Variants in NALF1 observed in about 807,000 individuals in gnomAD.
NALF1 encodes family with sequence similarity 155 member A.
In NALF1, 3 loss-of-function variants were observed where a neutral mutation model predicts 48.4. The ratio of observed to expected loss-of-function variants is 0.06; its 90% CI spans 0.03 to 0.16. NALF1 has a LOEUF of 0.16. Ranked by LOEUF, NALF1 falls within the 10% of genes least tolerant of loss-of-function variation. NALF1 has a pLI of 1.00. For missense variants in NALF1, 526 were observed against 571.5 expected (o/e 0.92, Z 0.81); for synonymous variants, 262 against 245.7 (o/e 1.07, Z -0.62).
At chr13:107,459,439 C>A (rs889841475) in intron 1 of NALF1, among the ~76,000 whole-genome samples, 3 of 151,754 alleles carry the variant, frequency 2.0e-5, no homozygotes, top group Non-Finnish European at 4.4e-5. Context: ...AATAAAAAAG[C>A]CTTTCTCAGC....
chr13:107,352,355 T>C (rs536692938), intron 1 of NALF1, among the ~76,000 whole-genome samples: 2 of 152,296 alleles, frequency 1.3e-5, no homozygotes, highest in African/African-American at 4.8e-5. Flanking sequence ...ATTTAGTTAA[T>C]TGGGAAGCTT....
intron 1 of NALF1, among the ~76,000 whole-genome samples, chr13:107,595,108 A>T (rs1402706299): frequency 6.6e-6 from 1 of 152,136 alleles, no homozygotes. Context: ...CAGACAAGAC[A>T]GCGACCACGG....
At chr13:107,614,316 T>C (rs1879320295) in intron 1 of NALF1, among the ~76,000 whole-genome samples, 1 of 152,220 alleles carries the variant, frequency 6.6e-6, no homozygotes, top group South Asian at 2.1e-4. Context: ...AGTCTTTTTG[T>C]AAGTACATGT....
intron 1 of NALF1, among the ~76,000 whole-genome samples, chr13:107,682,889 C>T (rs1019714996): frequency 6.6e-6 from 1 of 152,146 alleles, no homozygotes; most frequent in Admixed American, 6.6e-5. Context: ...TTTCAAAAGC[C>T]TATGTTTGTT....
At chr13:107,408,063 T>C (rs1398981099) in intron 1 of NALF1, among the ~76,000 whole-genome samples, 1 of 151,868 alleles carries the variant, frequency 6.6e-6, no homozygotes, top group Non-Finnish European at 1.5e-5. Context: ...AATAAAATAA[T>C]TGAACTCATG....
At chr13:107,399,959 G>C (rs139069748) in intron 1 of NALF1, among the ~76,000 whole-genome samples, 7 of 152,106 alleles carry the variant, frequency 4.6e-5, no homozygotes, top group African/African-American at 1.7e-4. Context: ...CTTTTTAAAA[G>C]ACCATAATGT....
chr13:107,453,074 C>T (rs1415932489), intron 1 of NALF1, among the ~76,000 whole-genome samples: 6 of 152,354 alleles, frequency 3.9e-5, no homozygotes, highest in African/African-American at 1.4e-4. Context: ...CTCCTGGCTG[C>T]TTTCATGGCT....
At chr13:107,774,652 G>A (rs1441537423) in intron 1 of NALF1, among the ~76,000 whole-genome samples, 1 of 152,152 alleles carries the variant, frequency 6.6e-6, no homozygotes, top group Non-Finnish European at 1.5e-5. Context: ...TTATGTGCAA[G>A]GCTTCCTATT....
intron 1 of NALF1, among the ~76,000 whole-genome samples, chr13:107,342,522 GCAGAA>G (rs1300961327): frequency 6.6e-6 from 1 of 152,100 alleles, no homozygotes; most frequent in African/African-American, 2.4e-5. Flanking sequence ...AGAAGAAGTG[GCAGAA>G]CCCTGGATGA....
intron 1 of NALF1, among the ~76,000 whole-genome samples, chr13:107,685,523 T>G (rs1881412971): frequency 6.6e-6 from 1 of 152,098 alleles, no homozygotes; most frequent in Admixed American, 6.5e-5. Flanking sequence ...AAAGATAAAA[T>G]CTTTTTTAAA....
chr13:107,859,914 C>CAAA (rs778833499), intron 1 of NALF1, among the ~76,000 whole-genome samples: 19 of 66,438 alleles, frequency 2.9e-4, no homozygotes, highest in Admixed American at 5.3e-4. Context: ...AACTCCAACT[C>CAAA]AAAAAAAAAA....
rs961019341 is a variant in NALF1 at position 107,167,072 on chromosome 13, T to A, written c.*3425A>T. The A allele has an allele frequency of 3.9e-5, 6 of 152,212 alleles. No individual in the cohort carries two copies. Among genetic ancestry groups the A allele is most frequent in the Admixed American group, 2.0e-4 (3 of 15,286 alleles). The allele number at this position is 152,212 out of a possible 1,614,324, so 9.4% of individuals were successfully genotyped here. ...AACTCTATGTTATTTGCCATTTAGC[T>A]TAGCAGTACCAACATATTCCAGAAA... On this transcript the variant is annotated 3_prime_UTR_variant, in exon 3 of 3. Coordinates refer to ENST00000375915, the MANE Select transcript of NALF1 (RefSeq NM_001080396.3).
chr13:107,260,206 A>G (rs1880902830), intron 1 of NALF1, among the ~76,000 whole-genome samples: 1 of 152,194 alleles, frequency 6.6e-6, no homozygotes, highest in Admixed American at 6.6e-5. Flanking sequence ...TAAATTAGGG[A>G]TAATTAGTTA....
At chr13:107,703,408 C>T (rs1267723613) in intron 1 of NALF1, among the ~76,000 whole-genome samples, 2 of 143,058 alleles carry the variant, frequency 1.4e-5, no homozygotes, top group African/African-American at 2.6e-5. Flanking sequence ...TGTCACCCAG[C>T]TGGAGTGCAA....
chr13:107,454,212 G>A (rs1884788099), intron 1 of NALF1, among the ~76,000 whole-genome samples: 1 of 152,036 alleles, frequency 6.6e-6, no homozygotes. Flanking sequence ...TATCTTTATA[G>A]TAGCACCCCA....
chr13:107,283,311 GC>G (rs1881425443), intron 1 of NALF1, among the ~76,000 whole-genome samples: 1 of 152,144 alleles, frequency 6.6e-6, no homozygotes, highest in Non-Finnish European at 1.5e-5. Context: ...AGTGACATCA[GC>G]AACATGGTGA....
In NALF1 at chr13:107,866,444, C is replaced by T; in HGVS notation, c.153G>A (p.Leu51=). 1 of 1,614,184 alleles carries T rather than the reference C, an allele frequency of 6.2e-7. No homozygotes were observed. The highest frequency in any genetic ancestry group is 1.1e-5 in the South Asian group (1 of 91,090). The change falls in exon 1 of 3, where the codon CTG becomes CTA. Residue 51 remains leucine, a synonymous_variant. Transcript: ENST00000375915. This position sits in a 1 kb window ranked among gnomAD's most constrained non-coding sequence, Gnocchi z 4.4. ...CGCAGAACCACAAGTGATCAGAGAG[C>T]AGGACTGTGAAAAACAAGAGAGATG... ...SLASLLFFTV[L]LSDHLWFCAE...
chr13:107,586,480 T>C (rs1358172509), intron 1 of NALF1, among the ~76,000 whole-genome samples: 1 of 151,862 alleles, frequency 6.6e-6, no homozygotes, highest in Non-Finnish European at 1.5e-5. Flanking sequence ...CATTCTGTTA[T>C]GAGTCCATTT....
intron 1 of NALF1, among the ~76,000 whole-genome samples, chr13:107,392,978 GTGGGGCA>G (rs1883652107): frequency 6.6e-6 from 1 of 152,126 alleles, no homozygotes; most frequent in Admixed American, 6.6e-5. Flanking sequence ...ATGGTCTCAG[GTGGGGCA>G]TGGGGTATGG....
Sources: allele counts gnomAD v4.1 joint callset (sites outside exome capture counted in the v4.1 genomes callset), GRCh38; gene constraint gnomAD v4.1.1; non-coding constraint Gnocchi (gnomAD v3.1); transcripts MANE v1.5; gene names NCBI Gene and HGNC (gene_info 2026-07-23, HGNC 2026-07-21).